EIF4G3: variants seen among roughly 807,000 people sequenced by gnomAD.
The protein encoded by EIF4G3 is eukaryotic translation initiation factor 4 gamma 3.
A neutral mutation model predicts 186.4 loss-of-function variants in EIF4G3; 34 were observed. That is an observed-to-expected ratio of 0.18 (90% CI 0.14 to 0.24). The LOEUF (loss-of-function observed/expected upper bound fraction) is 0.24, where lower values mean the gene tolerates loss of function less well. Ranked by LOEUF, EIF4G3 falls within the 10% of genes least tolerant of loss-of-function variation. The pLI is 1.00. For synonymous variants in EIF4G3, 673 were observed against 679.5 expected, an observed-to-expected ratio of 0.99 and a Z score of 0.15; for missense variants, 1,536 against 1,948.5, an observed-to-expected ratio of 0.79 and a Z score of 3.99.
At chr1:20,927,402 G>A (rs762196594) in intron 14 of EIF4G3, among the ~76,000 whole-genome samples, 7 of 152,194 alleles carry the variant, frequency 4.6e-5, no homozygotes, top group Admixed American at 1.3e-4. Flanking sequence ...CCCTTGAAAC[G>A]ACTATTTCTA....
chr1:21,083,970 T>A (rs2095874233), intron 3 of EIF4G3, among the ~76,000 whole-genome samples: 1 of 152,066 alleles, frequency 6.6e-6, no homozygotes, highest in Non-Finnish European at 1.5e-5. Context: ...ACATCCCACA[T>A]CCAAGACATC....
chr1:20,947,306 T>C (rs1365549110), intron 13 of EIF4G3, among the ~76,000 whole-genome samples: 4 of 151,480 alleles, frequency 2.6e-5, no homozygotes, highest in African/African-American at 4.9e-5. Context: ...ATCGTGTCAC[T>C]GCACTCCATC....
intron 30 of EIF4G3, among the ~76,000 whole-genome samples, chr1:20,834,890 A>G (rs756799181): frequency 1.1e-4 from 16 of 152,208 alleles, no homozygotes; most frequent in Non-Finnish European, 2.1e-4. Flanking sequence ...ACAAAAATAT[A>G]CAGAACATTC....
intron 4 of EIF4G3, among the ~76,000 whole-genome samples, chr1:21,040,846 G>C (rs764445299): frequency 8.5e-5 from 13 of 152,112 alleles, no homozygotes; most frequent in African/African-American, 1.4e-4. Flanking sequence ...GCTGAGTCTT[G>C]GCCAATCCCA....
chr1:21,134,972 CT>C (rs2097213581), intron 2 of EIF4G3, among the ~76,000 whole-genome samples: 1 of 152,048 alleles, frequency 6.6e-6, no homozygotes, highest in South Asian at 2.1e-4. Flanking sequence ...AGATGTGCCA[CT>C]TTACATCTGC....
intron 2 of EIF4G3, among the ~76,000 whole-genome samples, chr1:21,156,647 T>C (rs1158367777): frequency 6.6e-6 from 1 of 152,226 alleles, no homozygotes; most frequent in Non-Finnish European, 1.5e-5. Context: ...GAGTCAACTT[T>C]AACTCTTCTT....
intron 2 of EIF4G3, among the ~76,000 whole-genome samples, chr1:21,128,471 C>T (rs138149658): frequency 0.012 from 1,771 of 150,434 alleles, 25 homozygotes; most frequent in African/African-American, 0.035. Flanking sequence ...GACCGTGCCA[C>T]GCACTCCAGC....
Position 20,810,573 on chromosome 1 carries a change from C to A in EIF4G3, c.4744+165G>T, listed in dbSNP as rs2059045673. Among the ~76,000 whole-genome samples, 1 of 152,224 alleles carries A rather than the reference C, an allele frequency of 6.6e-6. No individual in the cohort carries two copies. The highest frequency in any genetic ancestry group is 1.5e-5 in the Non-Finnish European group (1 of 68,036). The stretch of plus-strand genomic sequence containing the variant: ...AAAGTGCTGGGATTATAGGCGCAAG[C>A]CACTGCACCCGGCCAAATTCAAATT... On this transcript the variant is annotated intron_variant, in intron 36 of 36. Coordinates refer to ENST00000602326, the MANE Select transcript of EIF4G3 (RefSeq NM_001391906.1). The surrounding 1 kb of genome is among the most constrained non-coding windows in gnomAD (Gnocchi z 4.1).
At chr1:20,925,868 G>A (rs1389185212) in intron 14 of EIF4G3, among the ~76,000 whole-genome samples, 1 of 152,154 alleles carries the variant, frequency 6.6e-6, no homozygotes, top group Non-Finnish European at 1.5e-5. Context: ...AAGTATTAAG[G>A]TGATTCCGAG....
At chr1:20,904,477 C>T (rs2091454926) in intron 15 of EIF4G3, among the ~76,000 whole-genome samples, 1 of 152,168 alleles carries the variant, frequency 6.6e-6, no homozygotes, top group South Asian at 2.1e-4. Flanking sequence ...TCCCGAGTAG[C>T]TGGGACCACA....
chr1:20,874,511 T>C (rs1410672788), intron 20 of EIF4G3, among the ~76,000 whole-genome samples: 2 of 152,210 alleles, frequency 1.3e-5, no homozygotes, highest in African/African-American at 4.8e-5. Context: ...TTCTAAAGTT[T>C]ATCACCCAGT....
intron 4 of EIF4G3, among the ~76,000 whole-genome samples, chr1:21,014,995 G>C (rs921606150): frequency 2.6e-5 from 4 of 151,618 alleles, no homozygotes; most frequent in Non-Finnish European, 4.4e-5. Context: ...AAGGTGGTGG[G>C]GGGGAGGAGA....
intron 29 of EIF4G3, among the ~76,000 whole-genome samples, chr1:20,845,271 G>A (rs1172547105): frequency 2.6e-5 from 4 of 152,194 alleles, no homozygotes; most frequent in Non-Finnish European, 2.9e-5. Flanking sequence ...AATTGTAGGT[G>A]TGTAGTCTTA....
chr1:20,890,802 A>G (rs1347196033), intron 18 of EIF4G3, among the ~76,000 whole-genome samples: 1 of 152,164 alleles, frequency 6.6e-6, no homozygotes, highest in Non-Finnish European at 1.5e-5. Context: ...TGACATTCCC[A>G]TCTGTATCTA....
At position 20,807,307 on chromosome 1, in the gene EIF4G3, GTA is replaced by G. The variant is rs776091222; in HGVS notation, c.*10_*11del. On this transcript the variant is annotated 3_prime_UTR_variant, in exon 37 of 37. Transcript: ENST00000602326. ...AATTGTTTCTTTTGTTTCATTTTGTGTATTTGAAGTTTTAGTTATCCTCAGAC... is the reference window on the plus strand; with the variant it reads ...AATTGTTTCTTTTGTTTCATTTTGTGTTTGAAGTTTTAGTTATCCTCAGAC... 1 of 1,554,426 alleles carries G rather than the reference GTA, an allele frequency of 6.4e-7. No individual in the cohort carries two copies. The highest frequency in any genetic ancestry group is 1.2e-5 in the South Asian group (1 of 83,592).
At chr1:21,129,127 A>C (rs1461065617) in intron 2 of EIF4G3, among the ~76,000 whole-genome samples, 1 of 151,818 alleles carries the variant, frequency 6.6e-6, no homozygotes, top group Non-Finnish European at 1.5e-5. Context: ...AGCCTGGCCA[A>C]CATGGTGAAA....
chr1:21,058,831 A>T (rs1318101595), intron 3 of EIF4G3, among the ~76,000 whole-genome samples: 1 of 147,242 alleles, frequency 6.8e-6, no homozygotes, highest in African/African-American at 2.5e-5. Context: ...CGCTTCCCAA[A>T]GTGCCAGGAT....
At chr1:20,926,506 C>T (rs1409578140) in intron 14 of EIF4G3, among the ~76,000 whole-genome samples, 1 of 152,068 alleles carries the variant, frequency 6.6e-6, no homozygotes, top group African/African-American at 2.4e-5. Context: ...TGGCGAGACT[C>T]TATCTCTACA....
intron 3 of EIF4G3, among the ~76,000 whole-genome samples, chr1:21,061,015 T>C (rs2094884603): frequency 6.6e-6 from 1 of 152,158 alleles, no homozygotes; most frequent in Non-Finnish European, 1.5e-5. Flanking sequence ...CCTGCATTCC[T>C]GGAGTTTATG....
Sources: gnomAD v4.1 joint callset for allele counts (sites outside exome capture counted in the v4.1 genomes callset) on GRCh38, gnomAD v4.1.1 for gene constraint, Gnocchi (gnomAD v3.1) non-coding constraint, MANE v1.5 for transcripts, NCBI Gene and HGNC (gene_info 2026-07-23, HGNC 2026-07-21) for gene names.